Variants in MSRA observed in about 807,000 individuals in gnomAD.
MSRA encodes mitochondrial peptide methionine sulfoxide reductase.
A neutral mutation model predicts 31.3 loss-of-function variants in MSRA; 54 were observed. The observed-to-expected ratio is 1.73, with a 90% CI of 1.39 to 2.17. The LOEUF (loss-of-function observed/expected upper bound fraction) is 2.17, where lower values mean the gene tolerates loss of function less well. MSRA is among the 30% of genes most tolerant of loss of function. The pLI, the probability that MSRA is intolerant of heterozygous loss-of-function variation, is 0.00. For missense variants in MSRA, 507 were observed against 300.9 expected (o/e 1.69, Z -5.07); for synonymous variants, 169 against 116.5 (o/e 1.45, Z -2.90).
At chr8:10,310,979 A>G (rs562571610) in intron 4 of MSRA, among the ~76,000 whole-genome samples, 1 of 152,390 alleles carries the variant, frequency 6.6e-6, no homozygotes, top group African/African-American at 2.4e-5. Context: ...AGAGTTTCAC[A>G]TATCTTAGAT....
chr8:10,338,221 T>C (rs1211044161), intron 5 of MSRA, among the ~76,000 whole-genome samples: 1 of 152,162 alleles, frequency 6.6e-6, no homozygotes, highest in African/African-American at 2.4e-5. Context: ...ATCATTGTGT[T>C]GTTTATGTTG....
intron 1 of MSRA, among the ~76,000 whole-genome samples, chr8:10,104,053 T>C (rs538330124): frequency 1.3e-5 from 2 of 152,310 alleles, no homozygotes; most frequent in East Asian, 3.9e-4. Flanking sequence ...CTGAGCGTTA[T>C]CTCTATTGCT....
At chr8:10,274,790 C>G (rs1372774393) in intron 3 of MSRA, among the ~76,000 whole-genome samples, 1 of 152,020 alleles carries the variant, frequency 6.6e-6, no homozygotes, top group East Asian at 1.9e-4. Context: ...TGTCCATCCA[C>G]TCATCTAACC....
At chr8:10,178,517 T>A (rs1006112749) in intron 1 of MSRA, among the ~76,000 whole-genome samples, 1 of 152,218 alleles carries the variant, frequency 6.6e-6, no homozygotes, top group Non-Finnish European at 1.5e-5. Context: ...ATATTGCTAA[T>A]TTTATAATGC....
At position 10,164,337 on chromosome 8, in the gene MSRA, A is replaced by G. The variant is rs555983674; in HGVS notation, c.143-43496A>G. 4.6e-5 allele frequency among the ~76,000 whole-genome samples: 7 copies of G among 152,290 alleles called. No individual in the cohort carries two copies. The East Asian group carries it at 1.2e-3, about 25-fold the overall frequency. On this transcript the variant is annotated intron_variant, in intron 1 of 5. Coordinates refer to ENST00000317173, the MANE Select transcript of MSRA (RefSeq NM_012331.5). ...TGAAAAATCCCTCCGAGGGCTGCGTATCGCCTGGGGCTGTCGTGTATTTTG... is the reference window on the plus strand; with the variant it reads ...TGAAAAATCCCTCCGAGGGCTGCGTGTCGCCTGGGGCTGTCGTGTATTTTG...
At chr8:10,110,415 G>A (rs775125873) in intron 1 of MSRA, among the ~76,000 whole-genome samples, 1 of 152,162 alleles carries the variant, frequency 6.6e-6, no homozygotes, top group African/African-American at 2.4e-5. Flanking sequence ...GTTGTCAGGG[G>A]CCAAAGGAGA....
chr8:10,250,364 G>A (rs1046293797), intron 3 of MSRA: 2 of 697,850 alleles, frequency 2.9e-6, no homozygotes, highest in African/African-American at 3.5e-5. Flanking sequence ...CCCCATTTCT[G>A]GCAAGAAAAC....
At chr8:10,351,247 T>TG (rs1804125428) in intron 5 of MSRA, among the ~76,000 whole-genome samples, 1 of 123,040 alleles carries the variant, frequency 8.1e-6, no homozygotes, top group Non-Finnish European at 1.7e-5. Flanking sequence ...GAAGGAGACT[T>TG]TTTTTTTTTT....
chr8:10,212,755 G>A (rs1470669017), intron 2 of MSRA, among the ~76,000 whole-genome samples: 1 of 152,152 alleles, frequency 6.6e-6, no homozygotes, highest in African/African-American at 2.4e-5. Flanking sequence ...TCCTTAACCA[G>A]TTTGGAGGTG....
chr8:10,271,377 G>A (rs1799028571), intron 3 of MSRA, among the ~76,000 whole-genome samples: 1 of 152,278 alleles, frequency 6.6e-6, no homozygotes, highest in Middle Eastern at 3.4e-3. Context: ...AGGGGAGAGG[G>A]CCTTCTCAAT....
intron 4 of MSRA, among the ~76,000 whole-genome samples, chr8:10,302,347 G>A (rs918200162): frequency 6.6e-6 from 1 of 152,258 alleles, no homozygotes; most frequent in African/African-American, 2.4e-5. Flanking sequence ...TTGCCAGTGT[G>A]ATGATCTGAT....
At position 10,205,545 on chromosome 8, in the gene MSRA, T is replaced by G. The variant is rs570601696; in HGVS notation, c.143-2288T>G. Among the ~76,000 whole-genome samples, 9 of 152,290 alleles carry G rather than the reference T, an allele frequency of 5.9e-5. No homozygotes were observed. In the East Asian group the frequency reaches 1.7e-3, roughly 29 times the overall value. On this transcript the variant is annotated intron_variant, in intron 1 of 5. Coordinates refer to ENST00000317173, the MANE Select transcript of MSRA (RefSeq NM_012331.5). ...TAGGGTGCACTTTGGATTGTGAACA[T>G]GTGGGTTTCAGCTGGGCCATCGACA... is the stretch of plus-strand genomic sequence containing the variant.
At position 10,428,652 on chromosome 8, in the gene MSRA, C is replaced by A. The variant is rs772133716; in HGVS notation, c.*340C>A. On this transcript the variant is annotated 3_prime_UTR_variant, in exon 6 of 6. Transcript: ENST00000317173. ...GACAGGATGGGGGACCCCAGAAGTC[C>A]TTTATCTGTGCTCTCTGCCCGCCAG... The A allele has an allele frequency of 3.4e-6, 1 of 293,232 alleles. No homozygotes were observed. The highest frequency in any genetic ancestry group is 6.3e-6 in the Non-Finnish European group (1 of 157,510). The allele number at this position is 293,232 out of a possible 1,614,324, so 18.2% of individuals were successfully genotyped here. A position where few individuals can be genotyped will look rare whatever the true frequency, so the allele number is the denominator to read the frequency against.
In MSRA at chr8:10,114,661, G is replaced by GT. The variant is rs1439329186; in HGVS notation, c.142+60004dup. Among the ~76,000 whole-genome samples the GT allele has an allele frequency of 2.0e-5, 3 of 152,298 alleles. No homozygotes were observed. In the South Asian group the frequency reaches 6.2e-4, roughly 32 times the overall value. On this transcript the variant is annotated intron_variant, in intron 1 of 5. Transcript: ENST00000317173. Reference sequence around the variant, plus strand: ...GAGAGGTCTTACGTAGCTGAGGATGGTGGCAAGTGGATAATTGAAGTGACG... The same window carrying GT: ...GAGAGGTCTTACGTAGCTGAGGATGGTTGGCAAGTGGATAATTGAAGTGACG...
intron 1 of MSRA, among the ~76,000 whole-genome samples, chr8:10,098,648 A>G (rs1214120164): frequency 2.0e-5 from 3 of 152,218 alleles, no homozygotes; most frequent in Non-Finnish European, 2.9e-5. Flanking sequence ...CAATACACAT[A>G]TTGTAGAGTG....
At chr8:10,194,380 A>G (rs1361692748) in intron 1 of MSRA, among the ~76,000 whole-genome samples, 2 of 152,166 alleles carry the variant, frequency 1.3e-5, no homozygotes, top group African/African-American at 4.8e-5. Flanking sequence ...CAGCCTGTTC[A>G]ACATGGTGAA....
intron 3 of MSRA, among the ~76,000 whole-genome samples, chr8:10,288,667 T>C (rs1383462573): frequency 6.6e-6 from 1 of 152,188 alleles, no homozygotes; most frequent in African/African-American, 2.4e-5. Context: ...TCTGAAGTTC[T>C]TAGTTCCATT....
intron 3 of MSRA, among the ~76,000 whole-genome samples, chr8:10,272,545 C>T (rs1053559188): frequency 3.3e-5 from 5 of 152,170 alleles, no homozygotes; most frequent in Non-Finnish European, 7.3e-5. Context: ...TCCGCTTTAC[C>T]GGGTCTACGG....
At chr8:10,211,986 G>C (rs886180467) in intron 2 of MSRA, among the ~76,000 whole-genome samples, 1 of 151,992 alleles carries the variant, frequency 6.6e-6, no homozygotes, top group African/African-American at 2.4e-5. Context: ...GGGATTCCAA[G>C]CTTAATTTGT....
Sources: allele counts gnomAD v4.1 joint callset (sites outside exome capture counted in the v4.1 genomes callset), GRCh38; gene constraint gnomAD v4.1.1; transcripts MANE v1.5; gene names NCBI Gene and HGNC (gene_info 2026-07-23, HGNC 2026-07-21).